The following EYS variants were observed in gnomAD, a reference collection of about 807,000 sequenced individuals.
EYS encodes the protein protein eyes shut homolog.
Under a neutral mutation model 282.1 loss-of-function variants are expected in EYS, and 250 were observed. The ratio of observed to expected loss-of-function variants is 0.89; its 90% CI spans 0.80 to 0.98. EYS has a LOEUF of 0.98. EYS is among the 50% of genes least tolerant of loss of function. The probability of loss-of-function intolerance (pLI) is 0.00; values close to 1 mark genes in which losing one functional copy is unlikely to be tolerated. For missense variants in EYS, 4,016 were observed against 3,709.0 expected, an observed-to-expected ratio of 1.08 and a Z score of -2.15; for synonymous variants, 1,355 against 1,282.9, an observed-to-expected ratio of 1.06 and a Z score of -1.20.
intron 11 of EYS, among the ~76,000 whole-genome samples, chr6:65,317,198 C>A (rs1178001623): frequency 5.3e-5 from 8 of 151,976 alleles, no homozygotes; most frequent in Admixed American, 5.2e-4. Flanking sequence ...AGCAGCTAAA[C>A]CTAGATCTTT....
At chr6:64,602,279 C>T (rs1019188194) in intron 24 of EYS, among the ~76,000 whole-genome samples, 2 of 151,924 alleles carry the variant, frequency 1.3e-5, no homozygotes, top group Non-Finnish European at 2.9e-5. Context: ...ACAAAATTGC[C>T]TCTATAAATT....
intron 31 of EYS, among the ~76,000 whole-genome samples, chr6:64,114,145 T>C (rs1773300107): frequency 6.6e-6 from 1 of 152,160 alleles, no homozygotes; most frequent in Admixed American, 6.5e-5. Flanking sequence ...CTCCAGACAA[T>C]ATTATGAGCT....
At chr6:64,375,676 G>C (rs542489465) in intron 29 of EYS, among the ~76,000 whole-genome samples, 1 of 152,272 alleles carries the variant, frequency 6.6e-6, no homozygotes, top group South Asian at 2.1e-4. Context: ...GGGAATTCTG[G>C]CCAATGGTAG....
intron 30 of EYS, among the ~76,000 whole-genome samples, chr6:64,296,317 AG>A (rs1768985395): frequency 6.6e-6 from 1 of 152,188 alleles, no homozygotes; most frequent in African/African-American, 2.4e-5. Flanking sequence ...TATTTATTAA[AG>A]CAGGTATTAA....
intron 22 of EYS, among the ~76,000 whole-genome samples, chr6:64,754,597 A>G (rs11966531): frequency 0.013 from 1,915 of 152,282 alleles, 31 homozygotes; most frequent in Admixed American, 0.045. Flanking sequence ...ATAAAATGCT[A>G]GTAAACCAAT....
chr6:64,728,086 C>T (rs1239607068), intron 22 of EYS, among the ~76,000 whole-genome samples: 1 of 152,058 alleles, frequency 6.6e-6, no homozygotes, highest in East Asian at 1.9e-4. Context: ...TGCATTCCAC[C>T]CCTTGAGGAG....
At chr6:63,842,577 A>G (rs144895109) in intron 36 of EYS, among the ~76,000 whole-genome samples, 47 of 152,188 alleles carry the variant, frequency 3.1e-4, no homozygotes, top group Middle Eastern at 6.8e-3. Context: ...CTCTGTTGAT[A>G]GTTTCTTTTG....
In EYS at chr6:65,511,366, TGA is replaced by T. The variant is rs1157546569; in HGVS notation, c.-332-15375_-332-15374del. Among the ~76,000 whole-genome samples the T allele has an allele frequency of 6.1e-3, 892 of 145,838 alleles. 11 individuals are homozygous for T. Among genetic ancestry groups the T allele is most frequent in the African/African-American group, 0.021 (828 of 39,338 alleles). ...CTGTGTGTGTGTGTGTGTGTGTGTG[TGA>T]GAGAGAGAGAGAGAGAGAAAAGAGA... On this transcript the variant is annotated intron_variant, in intron 2 of 42. Coordinates refer to ENST00000503581, the MANE Select transcript of EYS (RefSeq NM_001142800.2).
At chr6:64,334,526 G>C (rs1232668912) in intron 29 of EYS, among the ~76,000 whole-genome samples, 1 of 152,162 alleles carries the variant, frequency 6.6e-6, no homozygotes, top group Non-Finnish European at 1.5e-5. Context: ...GGACTGGCCA[G>C]CTGGGCACAA....
chr6:65,520,381 C>A (rs1269390213), intron 2 of EYS, among the ~76,000 whole-genome samples: 3 of 152,030 alleles, frequency 2.0e-5, no homozygotes, highest in East Asian at 1.9e-4. Context: ...GCTAAGATAA[C>A]AAGACATATG....
intron 2 of EYS, among the ~76,000 whole-genome samples, chr6:65,513,981 G>A (rs1457515669): frequency 1.3e-5 from 2 of 152,074 alleles, no homozygotes; most frequent in South Asian, 2.1e-4. Flanking sequence ...TATTCAATTC[G>A]GAAAAGAGGA....
Position 63,720,134 on chromosome 6 carries a change from GGTTACATTGCTTT to G in EYS, c.*449_*461del, listed in dbSNP as rs944709639. The G allele has an allele frequency of 6.0e-6, 1 of 165,890 alleles. No individual in the cohort carries two copies. Among genetic ancestry groups the G allele is most frequent in the African/African-American group, 2.4e-5 (1 of 42,148 alleles). 10.3% of individuals were successfully genotyped at this position (165,890 alleles called of 1,614,324 possible). On this transcript the variant is annotated 3_prime_UTR_variant, in exon 43 of 43. Coordinates refer to ENST00000503581, the MANE Select transcript of EYS (RefSeq NM_001142800.2). The stretch of plus-strand genomic sequence containing the variant: ...GTAGCTAAGCCATGTAATACAATAT[GGTTACATTGCTTT>G]GTATAATTTTTATTTTTCCTTTGAT...
intron 36 of EYS, among the ~76,000 whole-genome samples, chr6:63,808,059 C>T (rs998515665): frequency 3.3e-5 from 5 of 152,036 alleles, no homozygotes; most frequent in African/African-American, 7.2e-5. Flanking sequence ...TTGACAAATA[C>T]GTATCTCATA....
At chr6:65,007,272 C>T (rs9445454) in intron 13 of EYS, among the ~76,000 whole-genome samples, 6 of 152,244 alleles carry the variant, frequency 3.9e-5, no homozygotes, top group African/African-American at 1.4e-4. Flanking sequence ...GCTGGCATCC[C>T]TATGTCCTTT....
intron 22 of EYS, among the ~76,000 whole-genome samples, chr6:64,810,401 C>T (rs901476518): frequency 1.3e-5 from 2 of 151,904 alleles, no homozygotes; most frequent in Admixed American, 6.6e-5. Context: ...TTGGCAATGA[C>T]GGAGATGAAA....
intron 22 of EYS, among the ~76,000 whole-genome samples, chr6:64,709,254 T>C (rs1771129794): frequency 6.6e-6 from 1 of 152,150 alleles, no homozygotes; most frequent in South Asian, 2.1e-4. Context: ...ATCCTTACAA[T>C]TGTGATACAT....
At chr6:65,536,694 C>A (rs1430684624) in intron 2 of EYS, among the ~76,000 whole-genome samples, 1 of 151,944 alleles carries the variant, frequency 6.6e-6, no homozygotes, top group African/African-American at 2.4e-5. Flanking sequence ...GGCCAGAAAT[C>A]AAACAAAAAT....
chr6:64,393,016 A>C (rs1316959790), intron 28 of EYS, among the ~76,000 whole-genome samples: 2 of 152,320 alleles, frequency 1.3e-5, no homozygotes, highest in Non-Finnish European at 2.9e-5. Context: ...GCAAATACTA[A>C]AGTAGAAAAT....
intron 35 of EYS, among the ~76,000 whole-genome samples, chr6:63,939,279 C>T (rs956522680): frequency 6.6e-6 from 1 of 151,870 alleles, no homozygotes; most frequent in Non-Finnish European, 1.5e-5. Flanking sequence ...AAGAGGGATA[C>T]CAAGTTTGTA....
Sources: allele counts gnomAD v4.1 joint callset (sites outside exome capture counted in the v4.1 genomes callset), GRCh38; gene constraint gnomAD v4.1.1; transcripts MANE v1.5; gene names NCBI Gene and HGNC (gene_info 2026-07-23, HGNC 2026-07-21).